LSM14A: variants seen among roughly 807,000 people sequenced by gnomAD.
LSM14A encodes the protein LSM14A mRNA processing body assembly factor, also known as protein LSM14 homolog A.
LSM14A carries 14 observed loss-of-function variants against 52.4 expected under a neutral mutation model. The observed-to-expected ratio is 0.27, with a 90% CI of 0.18 to 0.42. LSM14A has a LOEUF of 0.42. Ranked by LOEUF, LSM14A falls within the 10% of genes least tolerant of loss-of-function variation. The pLI, the probability that LSM14A is intolerant of heterozygous loss-of-function variation, is 1.00. For synonymous variants in LSM14A, 185 were observed against 200.3 expected (o/e 0.92, Z 0.64); for missense variants, 417 against 581.8 (o/e 0.72, Z 2.91).
chr19:34,212,100 C>T (rs925350199), intron 4 of LSM14A, among the ~76,000 whole-genome samples: 11 of 152,244 alleles, frequency 7.2e-5, no homozygotes, highest in African/African-American at 2.6e-4. Context: ...GAAACCCTAA[C>T]ATTTTGCGAG....
At chr19:34,183,365 A>T (rs994616053) in intron 1 of LSM14A, among the ~76,000 whole-genome samples, 1 of 152,148 alleles carries the variant, frequency 6.6e-6, no homozygotes, top group African/African-American at 2.4e-5. Context: ...AGCCTGACCA[A>T]CATGGTGAAA....
At chr19:34,211,654 T>C (rs1273080664) in intron 4 of LSM14A, among the ~76,000 whole-genome samples, 1 of 151,986 alleles carries the variant, frequency 6.6e-6, no homozygotes. Flanking sequence ...CAGAGTATGA[T>C]GGTGGACACC....
chr19:34,179,778 A>G (rs941909344), intron 1 of LSM14A, among the ~76,000 whole-genome samples: 2 of 152,244 alleles, frequency 1.3e-5, no homozygotes, highest in African/African-American at 4.8e-5. Flanking sequence ...TGCCACAGTA[A>G]TAATAGCAGT....
intron 1 of LSM14A, among the ~76,000 whole-genome samples, chr19:34,173,960 T>G (rs2068899087): frequency 7.0e-6 from 1 of 143,164 alleles, no homozygotes; most frequent in Admixed American, 7.0e-5. Context: ...ATTTATTTAT[T>G]TTTCTAAGAT....
At chr19:34,184,123 T>C (rs2069710049) in intron 1 of LSM14A, among the ~76,000 whole-genome samples, 1 of 150,940 alleles carries the variant, frequency 6.6e-6, no homozygotes, top group African/African-American at 2.4e-5. Flanking sequence ...TGGCGCAATC[T>C]TGGCTCACTG....
Position 34,227,500 on chromosome 19 carries a change from A to C in LSM14A, c.*112A>C. On this transcript the variant is annotated 3_prime_UTR_variant, in exon 10 of 10. Transcript: ENST00000544216. ...GTGAATTCGCTGTACATTTGTCACC[A>C]GCACTGGGTTTTTGTTTTTTGTTTG... 1 of 803,094 alleles carries C rather than the reference A, an allele frequency of 1.2e-6. No homozygotes were observed. The allele number at this position is 803,094 out of a possible 1,614,324, so 49.7% of individuals were successfully genotyped here. A position where few individuals can be genotyped will look rare whatever the true frequency, so the allele number is the denominator to read the frequency against.
intron 3 of LSM14A, among the ~76,000 whole-genome samples, chr19:34,202,385 C>G (rs1168323778): frequency 6.6e-6 from 1 of 150,848 alleles, no homozygotes; most frequent in African/African-American, 2.4e-5. Context: ...CCCAGCTGCT[C>G]CAGAGGCTGA....
chr19:34,203,949 A>G (rs2071499830), intron 3 of LSM14A, among the ~76,000 whole-genome samples: 1 of 152,060 alleles, frequency 6.6e-6, no homozygotes, highest in Non-Finnish European at 1.5e-5. Flanking sequence ...TTATGTTTAT[A>G]AGAAATGCAC....
At chr19:34,195,996 T>G (rs1426621360) in intron 2 of LSM14A, among the ~76,000 whole-genome samples, 3 of 152,240 alleles carry the variant, frequency 2.0e-5, no homozygotes, top group African/African-American at 7.2e-5. Flanking sequence ...TCAGTGAGTG[T>G]ATGTCCTGGT....
At chr19:34,175,869 T>C (rs1274927683) in intron 1 of LSM14A, among the ~76,000 whole-genome samples, 1 of 152,092 alleles carries the variant, frequency 6.6e-6, no homozygotes, top group African/African-American at 2.4e-5. Flanking sequence ...TTTTTTGTTG[T>C]TGTTTTGAGA....
intron 3 of LSM14A, among the ~76,000 whole-genome samples, chr19:34,205,195 G>T (rs1029691729): frequency 1.3e-4 from 19 of 151,652 alleles, no homozygotes; most frequent in Admixed American, 4.6e-4. Context: ...AGTTTAAGAA[G>T]CTAGGAAAGG....
At chr19:34,183,890 G>C (rs1363307114) in intron 1 of LSM14A, among the ~76,000 whole-genome samples, 1 of 152,116 alleles carries the variant, frequency 6.6e-6, no homozygotes, top group East Asian at 1.9e-4. Context: ...TTCACCCACT[G>C]TAAGTGTGCG....
chr19:34,215,825 G>T (rs972762303), intron 6 of LSM14A, among the ~76,000 whole-genome samples, 164 bp downstream of exon 6: 5 of 152,158 alleles, frequency 3.3e-5, no homozygotes, highest in African/African-American at 1.2e-4. Flanking sequence ...CCTTTATCTT[G>T]ATTGTGGTGG....
intron 3 of LSM14A, among the ~76,000 whole-genome samples, chr19:34,199,319 C>T (rs1046685517): frequency 4.6e-5 from 7 of 151,958 alleles, no homozygotes; most frequent in African/African-American, 7.3e-5. Context: ...TTTGTGGAGA[C>T]AGGGTTTCCC....
In LSM14A at chr19:34,227,555, C is replaced by A; in HGVS notation, c.*167C>A. 1 of 549,040 alleles carries A rather than the reference C, an allele frequency of 1.8e-6. No individual in the cohort carries two copies. Among genetic ancestry groups the A allele is most frequent in the Non-Finnish European group, 3.2e-6 (1 of 312,538 alleles). 34.0% of individuals were successfully genotyped at this position (549,040 alleles called of 1,614,324 possible). On this transcript the variant is annotated 3_prime_UTR_variant, in exon 10 of 10. Transcript: ENST00000544216. The stretch of plus-strand genomic sequence containing the variant: ...TCCGCTTAATTTCAAAGATAAAATG[C>A]AGTTACTTTTGGGGGTGGAAGGCTC...
At chr19:34,200,448 T>C (rs1341241556) in intron 3 of LSM14A, among the ~76,000 whole-genome samples, 1 of 152,178 alleles carries the variant, frequency 6.6e-6, no homozygotes, top group East Asian at 1.9e-4. Flanking sequence ...GTTAATCATA[T>C]GGGAAAGTGT....
chr19:34,186,105 T>C (rs1181953288), intron 1 of LSM14A, among the ~76,000 whole-genome samples: 1 of 152,256 alleles, frequency 6.6e-6, no homozygotes, highest in Non-Finnish European at 1.5e-5. Flanking sequence ...GTCAGCTATA[T>C]GTAGAGCACT....
At chr19:34,197,861 A>G (rs942727913) in intron 3 of LSM14A, among the ~76,000 whole-genome samples, 2 of 152,188 alleles carry the variant, frequency 1.3e-5, no homozygotes, top group Non-Finnish European at 2.9e-5. Flanking sequence ...ACGAAACTAT[A>G]ATGAGAATGT....
chr19:34,225,074 C>A (rs2073270201), intron 9 of LSM14A, among the ~76,000 whole-genome samples: 1 of 152,192 alleles, frequency 6.6e-6, no homozygotes, highest in Non-Finnish European at 1.5e-5. Flanking sequence ...TCTGCATCAC[C>A]AGCTAGATGA....
Sources: allele counts gnomAD v4.1 joint callset (sites outside exome capture counted in the v4.1 genomes callset), GRCh38; gene constraint gnomAD v4.1.1; transcripts MANE v1.5; gene names NCBI Gene and HGNC (gene_info 2026-07-23, HGNC 2026-07-21).